AVIL: variants seen among roughly 807,000 people sequenced by gnomAD.
AVIL encodes the protein advillin.
Under a neutral mutation model 109.9 loss-of-function variants are expected in AVIL, and 78 were observed. The ratio of observed to expected loss-of-function variants is 0.71; its 90% CI spans 0.59 to 0.86. The LOEUF is 0.86. Ranked by LOEUF, AVIL falls within the 40% of genes least tolerant of loss-of-function variation. The probability of loss-of-function intolerance (pLI) is 0.00; values close to 1 mark genes in which losing one functional copy is unlikely to be tolerated. For synonymous variants in AVIL, 367 were observed against 379.1 expected (o/e 0.97, Z 0.37); for missense variants, 892 against 1,016.5 (o/e 0.88, Z 1.67).
At chr12:57,816,167 C>T in intron 1 of AVIL, 108 bp from the exon 2 acceptor site, 1 of 868,724 alleles carries the variant, frequency 1.2e-6, no homozygotes, top group South Asian at 1.7e-5. Flanking sequence ...CATCCTGCCA[C>T]ACCCTCATGG....
Position 57,813,436 on chromosome 12 carries a change from CAGAG to C in AVIL, c.142-17_142-14del, listed in dbSNP as rs758098809. 2 of 1,611,010 alleles carry C rather than the reference CAGAG, an allele frequency of 1.2e-6. No individual in the cohort carries two copies. Among genetic ancestry groups the C allele is most frequent in the Non-Finnish European group, 8.5e-7 (1 of 1,178,706 alleles). On this transcript the variant is annotated splice_polypyrimidine_tract_variant and intron_variant, in intron 3 of 19. Transcript: ENST00000549994. ...CCACTCTCCGGGTCTGGGAGGTAGTCAGAGAGATCAGGTCAGAGGCCAGCTCACC... is the reference window on the plus strand; with the variant it reads ...CCACTCTCCGGGTCTGGGAGGTAGTCAGATCAGGTCAGAGGCCAGCTCACC...
chr12:57,799,681 A>T, intron 19 of AVIL, 114 bp downstream of exon 19: 1 of 1,443,306 alleles, frequency 6.9e-7, no homozygotes, highest in Non-Finnish European at 9.4e-7. Flanking sequence ...GGTAGCTCAG[A>T]TGTCCATTGA....
intron 18 of AVIL, 93 bp downstream of exon 18, chr12:57,801,051 T>G: frequency 7.8e-4 from 790 of 1,009,658 alleles, no homozygotes; most frequent in Non-Finnish European, 9.9e-4. Flanking sequence ...ACTAAGGACA[T>G]GAGTTTTGCC....
chr12:57,814,135 GGGA>G lies in AVIL; in HGVS notation c.141+14_141+16del. The G allele has an allele frequency of 6.2e-7, 1 of 1,611,906 alleles. No homozygotes were observed. Among genetic ancestry groups the G allele is most frequent in the Non-Finnish European group, 8.5e-7 (1 of 1,179,222 alleles). ...CCCAGGGGAGAGGCTCACAGGAGTG[GGGA>G]GGAGGGTGCTCACCGAGAGGATGAC... On this transcript the variant is annotated intron_variant, in intron 3 of 19. Coordinates refer to ENST00000549994, the MANE Select transcript of AVIL (RefSeq NM_006576.4).
At chr12:57,813,576 G>A (rs544044828) in intron 3 of AVIL, among the ~76,000 whole-genome samples, 153 bp from the exon 4 acceptor site, 3 of 152,166 alleles carry the variant, frequency 2.0e-5, no homozygotes, top group Non-Finnish European at 2.9e-5. Context: ...CCTGGCCCCC[G>A]AGCAGACCTG....
At position 57,818,661 on chromosome 12, in the gene AVIL, C is replaced by T. The variant is rs1305294798; in HGVS notation, c.-52G>A. On this transcript the variant is annotated 5_prime_UTR_variant, in exon 1 of 20. Coordinates refer to ENST00000549994, the MANE Select transcript of AVIL (RefSeq NM_006576.4). ...TCTCGCTCACCAGCCTTCCCAGTTT[C>T]CCGGCGCGTAAGCAGCAGCAGTATT... 6.6e-6 allele frequency: 1 copy of T among 152,250 alleles called. No individual in the cohort carries two copies. Among genetic ancestry groups the T allele is most frequent in the Non-Finnish European group, 1.5e-5 (1 of 68,054 alleles). 9.4% of individuals were successfully genotyped at this position (152,250 alleles called of 1,614,324 possible).
intron 14 of AVIL, chr12:57,803,879 C>A: frequency 3.9e-6 from 2 of 516,418 alleles, no homozygotes; most frequent in Non-Finnish European, 6.3e-6. Flanking sequence ...GCTTTGAAAC[C>A]CACAGTGGGT....
chr12:57,808,500 C>T lies in AVIL; in HGVS notation c.988G>A (p.Val330Ile), dbSNP rs751870860. 87 of 1,614,020 alleles carry T rather than the reference C, an allele frequency of 5.4e-5. No homozygotes were observed. In the Admixed American group the frequency reaches 9.8e-4, roughly 18 times the overall value. The change falls in exon 10 of 20, where the codon GTC becomes ATC. Residue 330 changes from valine (V) to isoleucine (I), a missense_variant. By Grantham distance (29) the Val-to-Ile change is conservative (BLOSUM62 3). Transcript: ENST00000549994. ...ATGGCCGACTCAGCACCATCGTTGA[C>T]GGTCTCCACATTGGTGCTGCTGGGG... is the stretch of plus-strand genomic sequence containing the variant. Reference protein sequence around the residue: ...SYPSSTNVETVNDGAESAMFK... With the variant: ...SYPSSTNVETINDGAESAMFK...
chr12:57,800,097 A>G (rs569003294), intron 18 of AVIL, 177 bp from the exon 19 acceptor site: 1 of 847,324 alleles, frequency 1.2e-6, no homozygotes, highest in Middle Eastern at 3.1e-4. Context: ...GGGAATAGAA[A>G]ATATTCAGAT....
chr12:57,806,133 C>CTTTTTTTTTTTTT, intron 14 of AVIL: 2 of 141,974 alleles, frequency 1.4e-5, no homozygotes, highest in Non-Finnish European at 2.5e-5. Flanking sequence ...CCGTGCCCAG[C>CTTTTTTTTTTTTT]TTTTTTTTTT....
At position 57,803,351 on chromosome 12, in the gene AVIL, C is replaced by G; in HGVS notation, c.1858G>C (p.Glu620Gln). The stretch of plus-strand genomic sequence containing the variant: ...AATTGGCCGGTCTTATTGGAACATT[C>G]AAAGAGACGAGACTGGACATCTAGG... ...EILDVQSRLF[E>Q]CSNKTGQFVV... is the part of the protein sequence containing the mutation. Residue 620 changes from glutamate to glutamine, a missense_variant, in exon 16 of 20, where the codon GAA (glutamate) becomes CAA (glutamine). Coordinates refer to ENST00000549994, the MANE Select transcript of AVIL (RefSeq NM_006576.4). The G allele has an allele frequency of 6.2e-7, 1 of 1,614,204 alleles. No homozygotes were observed. Among genetic ancestry groups the G allele is most frequent in the Non-Finnish European group, 8.5e-7 (1 of 1,180,038 alleles).
chr12:57,807,618 T>A lies in AVIL; in HGVS notation c.1304A>T (p.Lys435Met). The A allele has an allele frequency of 6.2e-7, 1 of 1,614,248 alleles. No homozygotes were observed. Among genetic ancestry groups the A allele is most frequent in the Non-Finnish European group, 8.5e-7 (1 of 1,180,050 alleles). The change falls in exon 12 of 20, where the codon AAG becomes ATG. Residue 435 changes from lysine to methionine, a missense_variant. Physicochemically the swap from Lys to Met is moderately conservative, Grantham distance 95. Coordinates refer to ENST00000549994, the MANE Select transcript of AVIL (RefSeq NM_006576.4). The part of the protein sequence containing the change: ...LVLYTYEVNG[K>M]PHHILYIWQG... ...CCAGATGTACAAGATGTGATGTGGC[T>A]TCCCATTTACCTCGTATGTGTAGAG...
At chr12:57,814,485 T>G in intron 2 of AVIL, 2 of 445,690 alleles carry the variant, frequency 4.5e-6, no homozygotes, top group Non-Finnish European at 4.2e-6. Flanking sequence ...TCCACTCTAC[T>G]TCCCACCCGA....
intron 16 of AVIL, 90 bp from the exon 17 acceptor site, chr12:57,802,438 T>G: frequency 7.0e-7 from 1 of 1,438,792 alleles, no homozygotes; most frequent in Non-Finnish European, 9.5e-7. Flanking sequence ...TTCCCCTTTC[T>G]TTCGTGAGCA....
At chr12:57,806,645 TGAG>T in intron 13 of AVIL, 106 bp from the exon 14 acceptor site, 2 of 1,309,070 alleles carry the variant, frequency 1.5e-6, no homozygotes, top group Non-Finnish European at 1.1e-6. Context: ...TGTTTGCCCT[TGAG>T]GAGCTTCTAG....
intron 3 of AVIL, 105 bp from the exon 4 acceptor site, chr12:57,813,528 C>T: frequency 8.8e-7 from 1 of 1,133,028 alleles, no homozygotes; most frequent in South Asian, 1.5e-5. Flanking sequence ...CCTTGGCAGA[C>T]TGAGGGCCCT....
chr12:57,803,092 C>G (rs1955882866), intron 16 of AVIL, among the ~76,000 whole-genome samples, 155 bp downstream of exon 16: 1 of 152,148 alleles, frequency 6.6e-6, no homozygotes, highest in Admixed American at 6.5e-5. Flanking sequence ...GAAAAAAAAC[C>G]CGGGCTTTCT....
At chr12:57,811,879 G>T (rs950653441) in intron 4 of AVIL, among the ~76,000 whole-genome samples, 1 of 152,218 alleles carries the variant, frequency 6.6e-6, no homozygotes, top group African/African-American at 2.4e-5. Flanking sequence ...TCCCTCTCTA[G>T]TGTTATGTGT....
rs564066061 is a variant in AVIL, at chr12:57,813,394, C to T, written c.171G>A (p.Gln57=). The T allele has an allele frequency of 9.9e-6, 16 of 1,614,082 alleles. No individual in the cohort carries two copies. Among genetic ancestry groups the T allele is most frequent in the Non-Finnish European group, 1.4e-5 (16 of 1,180,012 alleles). The part of the protein sequence containing the change: ...STRRVASLLS[Q]DIHFWIGKDS... ...CCTTCCCGATCCAGAAGTGGATGTC[C>T]TGGGATAGGAGACTGGCCACTCTCC... The change falls in exon 4 of 20, where the codon CAG becomes CAA. Residue 57 remains glutamine (Q), a synonymous_variant. Coordinates refer to ENST00000549994, the MANE Select transcript of AVIL (RefSeq NM_006576.4).
Sources: allele counts gnomAD v4.1 joint callset (sites outside exome capture counted in the v4.1 genomes callset), GRCh38; gene constraint gnomAD v4.1.1; transcripts MANE v1.5; gene names NCBI Gene and HGNC (gene_info 2026-07-23, HGNC 2026-07-21).